The following F8 variants were observed in gnomAD, a reference collection of about 807,000 sequenced individuals.
The protein encoded by F8 is antihemophilic factor.
In F8, 12 loss-of-function variants were observed where a neutral mutation model predicts 140.6. That is an observed-to-expected ratio of 0.09 (90% CI 0.05 to 0.14). F8 has a LOEUF of 0.14. Among genes scored for constraint, F8 ranks in the 10% least tolerant of loss-of-function variants. F8 has a pLI of 1.00. For synonymous variants in F8, 585 were observed against 614.6 expected (o/e 0.95, Z 0.71); for missense variants, 1,354 against 1,720.7 (o/e 0.79, Z 3.77).
At chrX:154,946,292 A>T (rs781782903) in intron 13 of F8, among the ~76,000 whole-genome samples, 1 of 112,591 alleles carries the variant, frequency 8.9e-6, no homozygotes, top group African/African-American at 3.2e-5. Flanking sequence ...AAATGAACAA[A>T]GCTGGAGGCA....
intron 12 of F8, among the ~76,000 whole-genome samples, chrX:154,952,825 A>T (rs1390955423): frequency 8.9e-6 from 1 of 112,180 alleles, no homozygotes; most frequent in East Asian, 2.8e-4. Context: ...TACAGGCGTG[A>T]GCCACTGTGC....
intron 22 of F8, among the ~76,000 whole-genome samples, chrX:154,879,325 G>C: frequency 8.9e-6 from 1 of 112,003 alleles, no homozygotes; most frequent in East Asian, 2.8e-4. Context: ...TAAGAAGCAA[G>C]AAATAAACCC....
intron 13 of F8, among the ~76,000 whole-genome samples, chrX:154,934,413 G>A (rs2073213419): frequency 9.0e-6 from 1 of 111,679 alleles, no homozygotes; most frequent in South Asian, 3.8e-4. Context: ...CTATCAAGGT[G>A]CAAGTATTAT....
intron 22 of F8, among the ~76,000 whole-genome samples, chrX:154,872,009 C>T (rs782527842): frequency 2.5e-3 from 278 of 112,078 alleles, no homozygotes; most frequent in African/African-American, 8.6e-3. Context: ...TACCAACTCA[C>T]GCCAGTTAGA....
rs1455223483 is a variant in F8 at position 154,953,956 on chromosome X, A to G, written c.1839T>C (p.Phe613=). The change falls in exon 12 of 26, where the codon TTT becomes TTC. Residue 613 remains phenylalanine (F), a synonymous_variant. Coordinates refer to ENST00000360256, the MANE Select transcript of F8 (RefSeq NM_000132.4). ...GCTGCACTCCAGCTGGATTGGGGAG[A>G]AAGCGTTGTATATTCTCTGTGAGGT... ...SWYLTENIQR[F]LPNPAGVQLE... The G allele has an allele frequency of 4.1e-6, 5 of 1,209,651 alleles. No homozygotes were observed. The highest frequency in any genetic ancestry group is 5.6e-6 in the Non-Finnish European group (5 of 895,034).
At chrX:154,920,783 A>G (rs1048074959) in intron 14 of F8, among the ~76,000 whole-genome samples, 2 of 112,135 alleles carry the variant, frequency 1.8e-5, no homozygotes, top group Non-Finnish European at 3.8e-5. Flanking sequence ...GACAGTTTAC[A>G]TATTTTAATA....
chrX:154,930,204 T>G lies in F8; in HGVS notation c.3586A>C (p.Thr1196Pro). The change falls in exon 14 of 26, where the codon ACT (threonine) becomes CCT (proline). Residue 1196 changes from threonine (T) to proline (P), a missense_variant. Transcript: ENST00000360256. ...VFPSSRNLFL[T>P]NLDNLHENNT... ...TTTTCATGTAAATTATCCAAGTTAG[T>G]AAGAAATAGGTTTCTGCTGCTTGGA... The G allele has an allele frequency of 2.5e-6, 3 of 1,209,098 alleles. No homozygotes were observed. Among genetic ancestry groups the G allele is most frequent in the Non-Finnish European group, 2.2e-6 (2 of 894,282 alleles).
chrX:154,882,297 G>A, intron 22 of F8: 2 of 117,499 alleles, frequency 1.7e-5, no homozygotes, highest in East Asian at 2.0e-4. Context: ...GCAGAACCAT[G>A]AGGCAATTAA....
intron 10 of F8, 56 bp from the exon 11 acceptor site, chrX:154,957,227 G>T: frequency 1.1e-6 from 1 of 926,216 alleles, no homozygotes; most frequent in East Asian, 3.1e-5. Context: ...GCCACATATT[G>T]ATAATCATGT....
At chrX:154,957,867 C>G (rs145039153) in intron 10 of F8, among the ~76,000 whole-genome samples, 11,499 of 95,745 alleles carry the variant, frequency 0.12, 684 homozygotes, top group South Asian at 0.34. Flanking sequence ...GGGGATAGAG[C>G]GAGACTCTGT....
Position 154,929,897 on chromosome X carries a change from C to A in F8, c.3893G>T (p.Gly1298Val). The part of the protein sequence containing the change: ...SKKGEEENLE[G>V]LGNQTKQIVE... ...AATTTGCTTGGTTTGATTTCCCAAG[C>A]CTTCCAAGTTTTCTTCCTCCCCTTT... is the stretch of plus-strand genomic sequence containing the variant. The change falls in exon 14 of 26, where the codon GGC becomes GTC. Residue 1298 changes from glycine to valine, a missense_variant. Gly to Val is a moderately radical substitution (Grantham distance 109). Transcript: ENST00000360256. 1 of 1,211,381 alleles carries A rather than the reference C, an allele frequency of 8.3e-7. No individual in the cohort carries two copies. Among genetic ancestry groups the A allele is most frequent in the Non-Finnish European group, 1.1e-6 (1 of 895,237 alleles).
intron 6 of F8, among the ~76,000 whole-genome samples, chrX:154,981,573 C>T (rs1312653951): frequency 1.8e-5 from 2 of 110,462 alleles, no homozygotes; most frequent in African/African-American, 6.6e-5. Flanking sequence ...GGGCATGGGG[C>T]CAGCCACTCT....
intron 14 of F8, among the ~76,000 whole-genome samples, chrX:154,908,711 A>C (rs1354995343): frequency 2.7e-5 from 3 of 111,022 alleles, no homozygotes; most frequent in African/African-American, 9.8e-5. Flanking sequence ...CTATTCCACT[A>C]TTTATTTTGT....
Position 154,929,104 on chromosome X carries a change from T to G in F8, c.4686A>C (p.Lys1562Asn), listed in dbSNP as rs782556145. The G allele has an allele frequency of 2.6e-5, 31 of 1,209,813 alleles. No individual in the cohort carries two copies. The highest frequency in any genetic ancestry group is 2.1e-5 in the Non-Finnish European group (19 of 895,202). Reference sequence around the variant, plus strand: ...CTGTTGCTACTCTCAGAAAGGGAACTTTTCCAGGTCTGTTTGCTTCATTCC... The same window carrying G: ...CTGTTGCTACTCTCAGAAAGGGAACGTTTCCAGGTCTGTTTGCTTCATTCC... ...IKWNEANRPGKVPFLRVATES... is the reference protein window; with the variant it reads ...IKWNEANRPGNVPFLRVATES... The change falls in exon 14 of 26, where the codon AAA becomes AAC. Residue 1562 changes from lysine to asparagine, a missense_variant. Coordinates refer to ENST00000360256, the MANE Select transcript of F8 (RefSeq NM_000132.4).
At chrX:154,927,200 G>A (rs1224753687) in intron 14 of F8, among the ~76,000 whole-genome samples, 1 of 111,652 alleles carries the variant, frequency 9.0e-6, no homozygotes, top group Non-Finnish European at 1.9e-5. Context: ...AGCTTCTTTG[G>A]AGTGGGTTAA....
At chrX:155,016,893 G>A (rs1443114568) in intron 1 of F8, among the ~76,000 whole-genome samples, 2 of 112,431 alleles carry the variant, frequency 1.8e-5, no homozygotes, top group African/African-American at 6.5e-5. Context: ...AACTATACCT[G>A]TGGCAGGTAA....
At chrX:154,941,713 A>AT (rs1236823705) in intron 13 of F8, among the ~76,000 whole-genome samples, 1 of 95,086 alleles carries the variant, frequency 1.1e-5, no homozygotes, top group Non-Finnish European at 2.2e-5. Flanking sequence ...CAGAATATAC[A>AT]TTTTTTTCAG....
At chrX:154,962,951 C>T (rs782059353) in intron 9 of F8, among the ~76,000 whole-genome samples, 11 of 109,203 alleles carry the variant, frequency 1.0e-4, no homozygotes, top group South Asian at 8.0e-4. Context: ...GAAGCTGCAG[C>T]GAAGAACCCT....
intron 12 of F8, among the ~76,000 whole-genome samples, chrX:154,950,049 G>A (rs1557280624): frequency 8.9e-6 from 1 of 112,008 alleles, no homozygotes; most frequent in East Asian, 2.8e-4. Flanking sequence ...ACAGGCGTGA[G>A]CCACTGTGCC....
Sources: gnomAD v4.1 joint callset for allele counts (sites outside exome capture counted in the v4.1 genomes callset) on GRCh38, gnomAD v4.1.1 for gene constraint, MANE v1.5 for transcripts, NCBI Gene and HGNC (gene_info 2026-07-23, HGNC 2026-07-21) for gene names.